Variants in USP53 observed in about 807,000 individuals in gnomAD.
USP53 encodes the protein ubiquitin carboxyl-terminal hydrolase 53.
In USP53, 71 loss-of-function variants were observed where a neutral mutation model predicts 94.9. The observed-to-expected ratio is 0.75, with a 90% confidence interval of 0.62 to 0.91. The LOEUF (loss-of-function observed/expected upper bound fraction) is 0.91, where lower values mean the gene tolerates loss of function less well. USP53 is among the 40% of genes least tolerant of loss of function. USP53 has a pLI of 0.00. For synonymous variants in USP53, 375 were observed against 422.7 expected, an observed-to-expected ratio of 0.89 and a Z score of 1.39; for missense variants, 1,173 against 1,281.0, an observed-to-expected ratio of 0.92 and a Z score of 1.29.
chr4:119,216,315 A>G (rs898085337), intron 2 of USP53, among the ~76,000 whole-genome samples: 1 of 151,692 alleles, frequency 6.6e-6, no homozygotes, highest in African/African-American at 2.4e-5. Context: ...CAAGAGGCGG[A>G]GGTTGCAGTT....
intron 2 of USP53, among the ~76,000 whole-genome samples, chr4:119,214,448 A>G (rs1323421179): frequency 2.6e-5 from 4 of 152,104 alleles, no homozygotes; most frequent in African/African-American, 9.7e-5. Flanking sequence ...TTTCCTAAGA[A>G]TTTTAACAAA....
At chr4:119,277,089 CT>C (rs1752760401) in intron 17 of USP53, among the ~76,000 whole-genome samples, 3 of 87,382 alleles carry the variant, frequency 3.4e-5, no homozygotes, top group African/African-American at 1.2e-4. Flanking sequence ...TTTTTTGTGT[CT>C]CTATTTCCTT....
intron 3 of USP53, chr4:119,219,482 A>C (rs1744224369): frequency 6.6e-6 from 1 of 152,226 alleles, no homozygotes; most frequent in Admixed American, 6.5e-5. Context: ...TCTTAATCTG[A>C]TAACATTTTC....
At chr4:119,274,489 G>C (rs1180066596) in intron 17 of USP53, among the ~76,000 whole-genome samples, 1 of 151,914 alleles carries the variant, frequency 6.6e-6, no homozygotes, top group African/African-American at 2.4e-5. Flanking sequence ...TCTTAATCCA[G>C]TCTATCATTG....
At chr4:119,265,098 T>G (rs1750946929) in intron 12 of USP53, among the ~76,000 whole-genome samples, 1 of 152,026 alleles carries the variant, frequency 6.6e-6, no homozygotes, top group Non-Finnish European at 1.5e-5. Flanking sequence ...AAAACAAAGG[T>G]GTGGAGGGTA....
intron 4 of USP53, among the ~76,000 whole-genome samples, chr4:119,235,962 AT>A (rs1174059825): frequency 6.6e-6 from 1 of 152,186 alleles, no homozygotes; most frequent in Non-Finnish European, 1.5e-5. Flanking sequence ...ACAATTTATT[AT>A]TCCTTAAGGT....
In USP53 at chr4:119,260,621, C is replaced by A; in HGVS notation, c.790C>A (p.Arg264=). 1.2e-6 allele frequency: 2 copies of A among 1,613,404 alleles called. No individual in the cohort carries two copies. Among genetic ancestry groups the A allele is most frequent in the African/African-American group, 1.3e-5 (1 of 75,022 alleles). ...EHSDLTEAVV[R]NLATHLYLPG... ...TTCTGACTTGACCGAAGCTGTTGTTCGGAATCTAGCAACACATCTTTATCT... is the reference window on the plus strand; with the variant it reads ...TTCTGACTTGACCGAAGCTGTTGTTAGGAATCTAGCAACACATCTTTATCT... Residue 264 remains arginine, a synonymous_variant, in exon 11 of 19, where the codon CGG becomes AGG. Coordinates refer to ENST00000692078, the MANE Select transcript of USP53 (RefSeq NM_001371395.1).
chr4:119,233,499 T>C (rs1265442010), intron 3 of USP53, among the ~76,000 whole-genome samples: 1 of 152,172 alleles, frequency 6.6e-6, no homozygotes, highest in Non-Finnish European at 1.5e-5. Flanking sequence ...ATTTTAACCA[T>C]GTCTCATAGC....
chr4:119,277,684 A>G (rs373066664), intron 17 of USP53, among the ~76,000 whole-genome samples: 1 of 147,252 alleles, frequency 6.8e-6, no homozygotes, highest in Non-Finnish European at 1.5e-5. Flanking sequence ...TGATCTGTCT[A>G]ATGTTGACAG....
intron 7 of USP53, among the ~76,000 whole-genome samples, 183 bp from the exon 8 acceptor site, chr4:119,256,063 G>A (rs1408097788): frequency 6.6e-6 from 1 of 152,064 alleles, no homozygotes; most frequent in Non-Finnish European, 1.5e-5. Flanking sequence ...TCAAGCTAGT[G>A]CTATAAAAGG....
rs1754975352 is a variant in USP53 at position 119,293,248 on chromosome 4, T to C, written c.*37T>C. ...ACTAGACCTGTGTTACATAATAATC[T>C]TGGTTCAAGCTGCCCTTCTGAACAA... On this transcript the variant is annotated 3_prime_UTR_variant, in exon 19 of 19. Transcript: ENST00000692078. 1 of 1,531,180 alleles carries C rather than the reference T, an allele frequency of 6.5e-7. No homozygotes were observed. The highest frequency in any genetic ancestry group is 8.7e-7 in the Non-Finnish European group (1 of 1,151,106). The allele number at this position is 1,531,180 out of a possible 1,614,324, so 94.8% of individuals were successfully genotyped here. A position where few individuals can be genotyped will look rare whatever the true frequency, so the allele number is the denominator to read the frequency against.
intron 3 of USP53, among the ~76,000 whole-genome samples, chr4:119,227,686 CA>C (rs1479431079): frequency 6.6e-6 from 1 of 152,148 alleles, no homozygotes; most frequent in African/African-American, 2.4e-5. Context: ...GGCACTTTGG[CA>C]ATTTTCTATA....
rs543833629 is a variant in USP53, at chr4:119,239,765, A to T, written c.6A>T (p.Ala2=). ...GCAAACAAAGTTGCTTGAAAATGGCATGGGTAAAATTCTTACGGAAACCTG... is the reference window on the plus strand; with the variant it reads ...GCAAACAAAGTTGCTTGAAAATGGCTTGGGTAAAATTCTTACGGAAACCTG... The part of the protein sequence containing the change: M[A]WVKFLRKPGG... Residue 2 remains alanine, a synonymous_variant, in exon 5 of 19, where the codon GCA becomes GCT. Coordinates refer to ENST00000692078, the MANE Select transcript of USP53 (RefSeq NM_001371395.1). 5 of 1,607,564 alleles carry T rather than the reference A, an allele frequency of 3.1e-6. No homozygotes were observed. The highest frequency in any genetic ancestry group is 3.4e-6 in the Non-Finnish European group (4 of 1,178,028).
chr4:119,287,627 T>C (rs575213205), intron 17 of USP53, among the ~76,000 whole-genome samples: 5 of 152,136 alleles, frequency 3.3e-5, no homozygotes, highest in Non-Finnish European at 7.4e-5. Flanking sequence ...ATGAACATGA[T>C]GAAAATGTCA....
chr4:119,273,774 A>T (rs1032726502), intron 17 of USP53, 66 bp downstream of exon 17: 2 of 1,335,496 alleles, frequency 1.5e-6, no homozygotes, highest in Non-Finnish European at 2.1e-6. Context: ...ATTGTTTGCT[A>T]TTATGTATCT....
chr4:119,294,271 G>T lies in USP53; in HGVS notation c.*1060G>T, dbSNP rs1215553098. ...TATCTGAATTTGAAAATCTATCTAG[G>T]TTTCCAGATTAAATTTCTACCTTTC... On this transcript the variant is annotated 3_prime_UTR_variant, in exon 19 of 19. Coordinates refer to ENST00000692078, the MANE Select transcript of USP53 (RefSeq NM_001371395.1). 1 of 151,836 alleles carries T rather than the reference G, an allele frequency of 6.6e-6. No homozygotes were observed. The highest frequency in any genetic ancestry group is 1.5e-5 in the Non-Finnish European group (1 of 67,888). The allele number at this position is 151,836 out of a possible 1,614,324, so 9.4% of individuals were successfully genotyped here. A position where few individuals can be genotyped will look rare whatever the true frequency, so the allele number is the denominator to read the frequency against.
Position 119,217,630 on chromosome 4 carries a change from T to C in USP53, c.-708T>C, listed in dbSNP as rs1166773135. The stretch of plus-strand genomic sequence containing the variant: ...TAAGCAGTCAATTCTATAATATATT[T>C]AGAAGGAGAAAAGTGCCAAGGAGGA... On this transcript the variant is annotated 5_prime_UTR_variant, in exon 3 of 19. Coordinates refer to ENST00000692078, the MANE Select transcript of USP53 (RefSeq NM_001371395.1). 2 of 152,154 alleles carry C rather than the reference T, an allele frequency of 1.3e-5. No individual in the cohort carries two copies. The highest frequency in any genetic ancestry group is 6.5e-5 in the Admixed American group (1 of 15,274). 9.4% of individuals were successfully genotyped at this position (152,154 alleles called of 1,614,324 possible). A position where few individuals can be genotyped will look rare whatever the true frequency, so the allele number is the denominator to read the frequency against.
In USP53 at chr4:119,295,213, ACCT is replaced by A. The variant is rs1419207358; in HGVS notation, c.*2006_*2008del. 1.3e-5 allele frequency: 2 copies of A among 151,552 alleles called. No individual in the cohort carries two copies. Among genetic ancestry groups the A allele is most frequent in the African/African-American group, 4.9e-5 (2 of 41,224 alleles). 9.4% of individuals were successfully genotyped at this position (151,552 alleles called of 1,614,324 possible). On this transcript the variant is annotated 3_prime_UTR_variant, in exon 19 of 19. Transcript: ENST00000692078. ...CTCTTTTAAGTACTGTCCAGTTGAA[ACCT>A]CCTGACTCATGTACTACTACACAAA...
intron 1 of USP53, among the ~76,000 whole-genome samples, chr4:119,213,864 CG>C (rs1743313403): frequency 6.8e-6 from 1 of 147,026 alleles, no homozygotes; most frequent in Non-Finnish European, 1.5e-5. Flanking sequence ...AGCCAGACTC[CG>C]TCTCCAAAAA....
Sources: gnomAD v4.1 joint callset for allele counts (sites outside exome capture counted in the v4.1 genomes callset) on GRCh38, gnomAD v4.1.1 for gene constraint, MANE v1.5 for transcripts, NCBI Gene and HGNC (gene_info 2026-07-23, HGNC 2026-07-21) for gene names.